ANK3: variants seen among roughly 807,000 people sequenced by gnomAD.
ANK3 encodes the protein ankyrin 3, also known as ankyrin-3.
Under a neutral mutation model 370.9 loss-of-function variants are expected in ANK3, and 57 were observed. The ratio of observed to expected loss-of-function variants is 0.15; its 90% CI spans 0.12 to 0.19. The LOEUF (loss-of-function observed/expected upper bound fraction) is 0.19, where lower values mean the gene tolerates loss of function less well. Ranked by LOEUF, ANK3 falls within the 10% of genes least tolerant of loss-of-function variation. ANK3 has a pLI of 1.00. For missense variants in ANK3, 4,439 were observed against 5,302.1 expected, an observed-to-expected ratio of 0.84 and a Z score of 5.06; for synonymous variants, 1,929 against 1,946.3, an observed-to-expected ratio of 0.99 and a Z score of 0.23.
intron 4 of ANK3, among the ~76,000 whole-genome samples, chr10:60,276,053 G>C (rs1350152367): frequency 1.3e-5 from 2 of 151,756 alleles, no homozygotes; most frequent in African/African-American, 4.9e-5. Flanking sequence ...AGTACTAAAA[G>C]AAAGAGTTAA....
intron 2 of ANK3, among the ~76,000 whole-genome samples, chr10:60,545,811 T>C (rs2076950720): frequency 4.6e-5 from 7 of 152,206 alleles, no homozygotes; most frequent in Admixed American, 4.6e-4. Flanking sequence ...CCTCAGTTTA[T>C]ATCACTAAAA....
intron 1 of ANK3, among the ~76,000 whole-genome samples, chr10:60,724,153 T>G (rs1589080653): frequency 3.4e-5 from 4 of 116,504 alleles, no homozygotes; most frequent in Non-Finnish European, 3.4e-5. Flanking sequence ...GAGCTTGCAG[T>G]GAGCCGAGAT....
At chr10:60,605,345 A>G (rs186713488) in intron 2 of ANK3, among the ~76,000 whole-genome samples, 189 of 152,234 alleles carry the variant, frequency 1.2e-3, no homozygotes, top group African/African-American at 4.2e-3. Flanking sequence ...AAATCCCAGT[A>G]CTTTGGGAGG....
At chr10:60,401,648 T>C (rs1421845055) in intron 2 of ANK3, among the ~76,000 whole-genome samples, 2 of 152,230 alleles carry the variant, frequency 1.3e-5, no homozygotes, top group Admixed American at 1.3e-4. Context: ...TGTTAACATA[T>C]ATAATGAATA....
chr10:60,728,962 T>C (rs2079982447), intron 1 of ANK3, among the ~76,000 whole-genome samples: 1 of 152,178 alleles, frequency 6.6e-6, no homozygotes, highest in African/African-American at 2.4e-5. Context: ...TACTAGACAA[T>C]GCAGTTGTAT....
intron 42 of ANK3, chr10:60,044,308 T>A: frequency 2.0e-6 from 2 of 984,720 alleles, no homozygotes; most frequent in Non-Finnish European, 2.4e-6. Context: ...AAATTGTTCT[T>A]CTGTGACAGA....
At chr10:60,366,504 T>G (rs1277823397) in intron 1 of ANK3, among the ~76,000 whole-genome samples, 5 of 152,158 alleles carry the variant, frequency 3.3e-5, no homozygotes, top group African/African-American at 1.2e-4. Context: ...CTTTCTTTCC[T>G]GCTTTCACCA....
chr10:60,057,371 C>T (rs1006917176), intron 41 of ANK3, among the ~76,000 whole-genome samples: 1 of 152,086 alleles, frequency 6.6e-6, no homozygotes, highest in Non-Finnish European at 1.5e-5. Context: ...TTGTTTATTA[C>T]CGCTAGAAGG....
chr10:60,315,069 G>A (rs185214224), intron 1 of ANK3, among the ~76,000 whole-genome samples: 5 of 152,144 alleles, frequency 3.3e-5, no homozygotes, highest in South Asian at 4.2e-4. Context: ...TCCAGTTTAC[G>A]CAGCCCATTA....
At chr10:60,276,555 G>T (rs72822205) in intron 4 of ANK3, among the ~76,000 whole-genome samples, 6 of 152,310 alleles carry the variant, frequency 3.9e-5, no homozygotes, top group African/African-American at 1.4e-4. Flanking sequence ...GTAATTCCGA[G>T]CACAACTGTA....
intron 8 of ANK3, among the ~76,000 whole-genome samples, chr10:60,230,067 T>G (rs2097216921): frequency 6.6e-6 from 1 of 152,168 alleles, no homozygotes; most frequent in East Asian, 1.9e-4. Flanking sequence ...AAGCACTAAA[T>G]ACAAGTATAG....
intron 1 of ANK3, among the ~76,000 whole-genome samples, chr10:60,693,709 C>A (rs1266024488): frequency 6.6e-6 from 1 of 152,126 alleles, no homozygotes; most frequent in Non-Finnish European, 1.5e-5. Flanking sequence ...AGAAGGAAAA[C>A]TAACAAACAG....
At chr10:60,261,440 T>C (rs578171834) in intron 7 of ANK3, among the ~76,000 whole-genome samples, 7 of 152,320 alleles carry the variant, frequency 4.6e-5, no homozygotes, top group African/African-American at 1.7e-4. Context: ...TTATTTGGAT[T>C]CTGTAGTTTA....
Position 60,132,099 on chromosome 10 carries a change from A to G in ANK3, c.2841+2172T>C, listed in dbSNP as rs2094106574. 2.0e-5 allele frequency among the ~76,000 whole-genome samples: 3 copies of G among 152,314 alleles called. No homozygotes were observed. In the South Asian group the frequency reaches 6.2e-4, roughly 32 times the overall value. On this transcript the variant is annotated intron_variant, in intron 25 of 43. Coordinates refer to ENST00000280772, the MANE Select transcript of ANK3 (RefSeq NM_020987.5). ...CAATTGGGAATATGAAAAGAGCAGG[A>G]TTACAGACTGAAATAATGACCACAG...
intron 41 of ANK3, 77 bp downstream of exon 41, chr10:60,059,263 C>A: frequency 8.0e-7 from 1 of 1,250,624 alleles, no homozygotes; most frequent in Middle Eastern, 1.9e-4. Flanking sequence ...AAGAAGTCAC[C>A]ACTAAAAAGC....
intron 1 of ANK3, among the ~76,000 whole-genome samples, chr10:60,343,943 G>T (rs147611942): frequency 3.9e-4 from 59 of 152,330 alleles, no homozygotes; most frequent in African/African-American, 1.3e-3. Flanking sequence ...CACATTTTGA[G>T]AACCCTTGCT....
intron 8 of ANK3, among the ~76,000 whole-genome samples, chr10:60,226,858 T>G (rs564234021): frequency 1.3e-5 from 2 of 150,664 alleles, no homozygotes; most frequent in East Asian, 3.9e-4. Flanking sequence ...TTTTGTGCTA[T>G]AGCATATATT....
chr10:60,068,044 C>T (rs1408974009), intron 37 of ANK3, 35 bp from the exon 38 acceptor site: 1 of 1,577,718 alleles, frequency 6.3e-7, no homozygotes, highest in Admixed American at 1.7e-5. Context: ...AAATAATCAT[C>T]AAGAAAGATA....
At chr10:60,177,134 A>C (rs2095989246) in intron 18 of ANK3, among the ~76,000 whole-genome samples, 1 of 152,110 alleles carries the variant, frequency 6.6e-6, no homozygotes, top group African/African-American at 2.4e-5. Context: ...TCATAATTTG[A>C]CAGCCCTATC....
Sources: gnomAD v4.1 joint callset for allele counts (sites outside exome capture counted in the v4.1 genomes callset) on GRCh38, gnomAD v4.1.1 for gene constraint, MANE v1.5 for transcripts, NCBI Gene and HGNC (gene_info 2026-07-23, HGNC 2026-07-21) for gene names.